The following SDK1 variants were observed in gnomAD, a reference collection of about 807,000 sequenced individuals.
SDK1 encodes the protein sidekick cell adhesion molecule 1, also known as protein sidekick-1.
A neutral mutation model predicts 245.5 loss-of-function variants in SDK1; 157 were observed. The ratio of observed to expected loss-of-function variants is 0.64; its 90% CI spans 0.56 to 0.73. The LOEUF is 0.73. Among genes scored for constraint, SDK1 ranks in the 30% least tolerant of loss-of-function variants. SDK1 has a pLI of 0.00. For missense variants in SDK1, 3,583 were observed against 3,002.3 expected (o/e 1.19, Z -4.52); for synonymous variants, 1,647 against 1,278.5 (o/e 1.29, Z -6.15).
chr7:3,301,273 G>A lies in SDK1; in HGVS notation c.-314G>A, dbSNP rs1313795682. ...GGGCGCACTTTCTTCTCAGCGCCGG[G>A]CGGGGGCGGCGGCGGCGGCGGCTCC... On this transcript the variant is annotated 5_prime_UTR_variant, in exon 1 of 45. Transcript: ENST00000404826. Among the ~76,000 whole-genome samples the A allele has an allele frequency of 2.2e-5, 3 of 136,980 alleles. No homozygotes were observed. The highest frequency in any genetic ancestry group is 2.2e-4 in the South Asian group (1 of 4,528). The allele number at this position is 136,980 out of a possible 152,430, so 89.9% of individuals were successfully genotyped here.
chr7:3,675,134 C>T (rs991761549), intron 4 of SDK1, among the ~76,000 whole-genome samples: 2 of 152,204 alleles, frequency 1.3e-5, no homozygotes, highest in Non-Finnish European at 2.9e-5. Flanking sequence ...TCCCTCCATG[C>T]CCCAAACCTG....
chr7:3,635,938 C>T (rs191247324), intron 2 of SDK1, among the ~76,000 whole-genome samples: 57 of 152,230 alleles, frequency 3.7e-4, no homozygotes, highest in African/African-American at 1.0e-3. Context: ...TTCTTTCTTA[C>T]GGTAGACACC....
At chr7:3,551,005 A>G (rs1434097528) in intron 1 of SDK1, among the ~76,000 whole-genome samples, 1 of 152,260 alleles carries the variant, frequency 6.6e-6, no homozygotes, top group East Asian at 1.9e-4. Context: ...GAACTCAACC[A>G]GCTTTTAATA....
chr7:4,133,878 A>G (rs1360870079), intron 28 of SDK1, among the ~76,000 whole-genome samples: 1 of 152,088 alleles, frequency 6.6e-6, no homozygotes, highest in Non-Finnish European at 1.5e-5. Flanking sequence ...AAAGTTATAA[A>G]CCCAGACTTA....
intron 19 of SDK1, among the ~76,000 whole-genome samples, chr7:4,052,827 G>A (rs1018910625): frequency 7.2e-5 from 11 of 152,142 alleles, no homozygotes; most frequent in African/African-American, 2.4e-4. Flanking sequence ...AGTGGTTCAT[G>A]CCTGTAATCC....
chr7:3,829,069 G>A (rs1464560454), intron 5 of SDK1, among the ~76,000 whole-genome samples: 1 of 152,110 alleles, frequency 6.6e-6, no homozygotes, highest in African/African-American at 2.4e-5. Flanking sequence ...GTTTAGACGT[G>A]CTTATCAAAT....
At chr7:3,559,711 CA>C (rs1779690649) in intron 1 of SDK1, among the ~76,000 whole-genome samples, 1 of 140,014 alleles carries the variant, frequency 7.1e-6, no homozygotes, top group African/African-American at 2.7e-5. Context: ...ATTTGAACCT[CA>C]AGGTAACGCT....
In SDK1 at chr7:3,856,495, A is replaced by T. The variant is rs931098889; in HGVS notation, c.847+34912A>T. 3.3e-5 allele frequency among the ~76,000 whole-genome samples: 5 copies of T among 151,346 alleles called. No homozygotes were observed. In the East Asian group the frequency reaches 9.7e-4, roughly 29 times the overall value. ...TCAGGTAATGTTAAAAAAAAAAAAA[A>T]AAAAAAAGCAGCTGGCCGGGCATGG... On this transcript the variant is annotated intron_variant, in intron 5 of 44. Transcript: ENST00000404826.
At chr7:3,740,494 G>T (rs1355282165) in intron 4 of SDK1, among the ~76,000 whole-genome samples, 2 of 151,968 alleles carry the variant, frequency 1.3e-5, no homozygotes, top group Non-Finnish European at 2.9e-5. Context: ...CACAGATACA[G>T]GTCAGATTTA....
intron 25 of SDK1, among the ~76,000 whole-genome samples, chr7:4,119,936 G>A (rs1783954916): frequency 1.3e-5 from 2 of 148,798 alleles, no homozygotes; most frequent in African/African-American, 4.9e-5. Flanking sequence ...GTAAAATAAA[G>A]CGTTAACATT....
chr7:3,571,422 C>A (rs1004878580), intron 1 of SDK1, among the ~76,000 whole-genome samples: 1 of 151,976 alleles, frequency 6.6e-6, no homozygotes, highest in South Asian at 2.1e-4. Context: ...CCAGCCTCAG[C>A]CTCCCAAGTA....
At chr7:3,415,068 T>C (rs946556212) in intron 1 of SDK1, among the ~76,000 whole-genome samples, 1 of 152,180 alleles carries the variant, frequency 6.6e-6, no homozygotes, top group African/African-American at 2.4e-5. Context: ...ACATTTTCTT[T>C]CTTTTGGTTA....
rs574787819 is a variant in SDK1 at position 4,179,464 on chromosome 7, A to G, written c.5098+878A>G. Among the ~76,000 whole-genome samples the G allele has an allele frequency of 2.0e-5, 3 of 152,176 alleles. 1 individual carries two copies. Among genetic ancestry groups the G allele is most frequent in the African/African-American group, 4.8e-5 (2 of 41,544 alleles). ...GAAACACATCAGGTGACCTTTTGCA[A>G]TTGGGAAGGGTTATTGTTATGAACC... On this transcript the variant is annotated intron_variant, in intron 35 of 44. Coordinates refer to ENST00000404826, the MANE Select transcript of SDK1 (RefSeq NM_152744.4).
chr7:3,375,714 G>C (rs770721298), intron 1 of SDK1, among the ~76,000 whole-genome samples: 85 of 152,308 alleles, frequency 5.6e-4, no homozygotes, highest in Non-Finnish European at 1.0e-3. Context: ...CAACTTGCCT[G>C]CCATGTGGGT....
At chr7:3,376,144 C>G (rs1781349647) in intron 1 of SDK1, among the ~76,000 whole-genome samples, 1 of 152,120 alleles carries the variant, frequency 6.6e-6, no homozygotes, top group African/African-American at 2.4e-5. Flanking sequence ...CTGCAGTGAG[C>G]CATGATCATG....
chr7:3,351,917 C>G (rs58317645), intron 1 of SDK1, among the ~76,000 whole-genome samples: 2 of 151,904 alleles, frequency 1.3e-5, no homozygotes, highest in East Asian at 1.9e-4. Flanking sequence ...TGTTACAGTT[C>G]CTGTATAATC....
intron 1 of SDK1, among the ~76,000 whole-genome samples, chr7:3,401,747 A>G (rs1396654723): frequency 1.3e-5 from 2 of 151,994 alleles, no homozygotes; most frequent in African/African-American, 2.4e-5. Context: ...TGTATCTACT[A>G]GTATTAGAAT....
In SDK1 at chr7:3,697,844, G is replaced by A. The variant is rs114391318; in HGVS notation, c.713+55739G>A. Among the ~76,000 whole-genome samples, 763 of 152,240 alleles carry A rather than the reference G, an allele frequency of 5.0e-3. 6 individuals are homozygous for A. Among genetic ancestry groups the A allele is most frequent in the African/African-American group, 0.017 (714 of 41,532 alleles). On this transcript the variant is annotated intron_variant, in intron 4 of 44. Transcript: ENST00000404826. ...ACTGTTAAAAGAGGCCTCTTAACTC[G>A]CACTTTCAGAAAGATGGAATTAGAT...
intron 1 of SDK1, among the ~76,000 whole-genome samples, chr7:3,467,272 G>C (rs1310901631): frequency 1.3e-5 from 2 of 151,834 alleles, no homozygotes. Context: ...TGCACATTGA[G>C]AAACATTTGG....
Sources: allele counts gnomAD v4.1 joint callset (sites outside exome capture counted in the v4.1 genomes callset), GRCh38; gene constraint gnomAD v4.1.1; transcripts MANE v1.5; gene names NCBI Gene and HGNC (gene_info 2026-07-23, HGNC 2026-07-21).